CCDC14: variants seen among roughly 807,000 people sequenced by gnomAD.
CCDC14 encodes coiled-coil domain-containing protein 14.
In CCDC14, 71 loss-of-function variants were observed where a neutral mutation model predicts 81.4. That is an observed-to-expected ratio of 0.87 (90% CI 0.72 to 1.06). The LOEUF (loss-of-function observed/expected upper bound fraction) is 1.06. Among genes scored for constraint, CCDC14 ranks in the 50% least tolerant of loss-of-function variants. The pLI, the probability that CCDC14 is intolerant of heterozygous loss-of-function variation, is 0.00. For synonymous variants in CCDC14, 332 were observed against 364.8 expected (o/e 0.91, Z 1.03); for missense variants, 1,046 against 1,047.3 (o/e 1.00, Z 0.02).
intron 9 of CCDC14, among the ~76,000 whole-genome samples, chr3:123,936,631 G>T (rs2036070868): frequency 6.6e-6 from 1 of 152,042 alleles, no homozygotes; most frequent in African/African-American, 2.4e-5. Context: ...GGAGCTAAAT[G>T]ATAAGAACTT....
intron 9 of CCDC14, among the ~76,000 whole-genome samples, chr3:123,944,642 A>T (rs1178647488): frequency 6.6e-6 from 1 of 152,174 alleles, no homozygotes; most frequent in African/African-American, 2.4e-5. Flanking sequence ...ACAGGGGTAA[A>T]ATAAGTGGGA....
chr3:123,909,120 A>G (rs1438974003), downstream of CCDC14, among the ~76,000 whole-genome samples: 1 of 151,972 alleles, frequency 6.6e-6, no homozygotes, highest in African/African-American at 2.4e-5. Context: ...AAAATATTTG[A>G]ATCTGGTCTC....
At chr3:123,928,370 G>A (rs1429349683) in intron 12 of CCDC14, among the ~76,000 whole-genome samples, 2 of 151,206 alleles carry the variant, frequency 1.3e-5, no homozygotes, top group Non-Finnish European at 2.9e-5. Context: ...GCTGGGCGTG[G>A]TGGAGGGCAC....
chr3:123,905,844 C>T (rs1329534204), intron 5 of CCDC14, among the ~76,000 whole-genome samples: 3 of 151,916 alleles, frequency 2.0e-5, no homozygotes, highest in Non-Finnish European at 4.4e-5. Context: ...AAACAATGGA[C>T]CAGAGAGGCC....
At chr3:123,899,623 C>A (rs1342301803) in intron 5 of CCDC14, among the ~76,000 whole-genome samples, 1 of 152,202 alleles carries the variant, frequency 6.6e-6, no homozygotes, top group East Asian at 1.9e-4. Flanking sequence ...CCTCTCCTCC[C>A]CAGTTCTCAC....
At chr3:123,955,635 CTCTTTT>C in intron 5 of CCDC14, 1 of 387,470 alleles carries the variant, frequency 2.6e-6, no homozygotes, top group Non-Finnish European at 4.5e-6. Flanking sequence ...CCCTGACAGT[CTCTTTT>C]TCTATTTTTC....
At chr3:123,952,411 A>C (rs926190179) in intron 5 of CCDC14, among the ~76,000 whole-genome samples, 1 of 152,252 alleles carries the variant, frequency 6.6e-6, no homozygotes, top group Non-Finnish European at 1.5e-5. Context: ...AGATGAAGAC[A>C]GCAATGTATG....
chr3:123,896,889 G>T (rs945815933), downstream of CCDC14, among the ~76,000 whole-genome samples: 3 of 152,038 alleles, frequency 2.0e-5, no homozygotes, highest in Non-Finnish European at 2.9e-5. Flanking sequence ...TAAGATAATA[G>T]CGATTTAAAG....
At chr3:123,910,178 G>A (rs141891878), downstream of CCDC14, among the ~76,000 whole-genome samples, 245 of 152,104 alleles carry the variant, frequency 1.6e-3, no homozygotes, top group Non-Finnish European at 2.5e-3. Flanking sequence ...GCCCTAACAT[G>A]GTGCCACTCA....
intron 12 of CCDC14, among the ~76,000 whole-genome samples, chr3:123,916,303 TGGTTTATTCTTGAGCAGCACTA>T (rs1559764023): frequency 6.6e-6 from 1 of 152,020 alleles, no homozygotes; most frequent in East Asian, 1.9e-4. Context: ...CCAGCCGAGA[TGGTTTATTCTTGAGCAGCACTA>T]GGTTCATTCT....
At chr3:123,916,468 TTGTGTGTGTGTGTG>T (rs71142765) in intron 12 of CCDC14, among the ~76,000 whole-genome samples, 1 of 146,066 alleles carries the variant, frequency 6.8e-6, no homozygotes, top group Non-Finnish European at 1.5e-5. Context: ...ATATATGTGT[TTGTGTGTGTGTGTG>T]TGTGTGTGTG....
downstream of CCDC14, among the ~76,000 whole-genome samples, chr3:123,895,690 C>T (rs2034050369): frequency 1.3e-5 from 2 of 152,172 alleles, no homozygotes; most frequent in South Asian, 4.1e-4. Context: ...CTAGGTAAAA[C>T]CTCCAGCAAA....
rs544077115 is a variant in CCDC14 at position 123,914,590 on chromosome 3, T to C, written c.*189A>G. 3.9e-4 allele frequency: 500 copies of C among 1,276,172 alleles called. No homozygotes were observed. Among genetic ancestry groups the C allele is most frequent in the Non-Finnish European group, 4.8e-4 (488 of 1,012,812 alleles). 79.1% of individuals were successfully genotyped at this position (1,276,172 alleles called of 1,614,324 possible). A position where few individuals can be genotyped will look rare whatever the true frequency, so the allele number is the denominator to read the frequency against. On this transcript the variant is annotated 3_prime_UTR_variant, in exon 13 of 13. Transcript: ENST00000409697. ...CACAACTTTCTTCTTGTAGCAATTG[T>C]GAACTTAAGATGACTTGTTTTTATA...
Position 123,915,235 on chromosome 3 carries a change from T to C in CCDC14, c.2262A>G (p.Gln754=), listed in dbSNP as rs780955739. Residue 754 remains glutamine, a synonymous_variant, in exon 13 of 13, where the codon CAA becomes CAG. Transcript: ENST00000409697. ...CTAGCTGTGTTGTAGCTGCTCTTAT[T>C]TGTGGCTGAGGGGATAGTCTCTTAG... ...PLSKRLSPQP[Q]IRAATTQLVS... is the part of the protein sequence containing the mutation. The C allele has an allele frequency of 6.8e-6, 11 of 1,613,742 alleles. No homozygotes were observed. Among genetic ancestry groups the C allele is most frequent in the Middle Eastern group, 1.6e-4 (1 of 6,084 alleles).
In CCDC14 at chr3:123,914,280, T is replaced by C. The variant is rs2034535625; in HGVS notation, c.*499A>G. ...GTGTAGATACTGGTAACTTTTCTCTTTAAATAAATGTTTATATATTTCACC... is the reference window on the plus strand; with the variant it reads ...GTGTAGATACTGGTAACTTTTCTCTCTAAATAAATGTTTATATATTTCACC... On this transcript the variant is annotated 3_prime_UTR_variant, in exon 13 of 13. Coordinates refer to ENST00000409697, the MANE Select transcript of CCDC14 (RefSeq NM_001366335.1). 1.0e-6 allele frequency: 1 copy of C among 983,852 alleles called. No individual in the cohort carries two copies. The highest frequency in any genetic ancestry group is 5.3e-4 in the Middle Eastern group (1 of 1,900). The allele number at this position is 983,852 out of a possible 1,614,324, so 60.9% of individuals were successfully genotyped here.
At chr3:123,930,370 G>A (rs866721491) in intron 12 of CCDC14, among the ~76,000 whole-genome samples, 1 of 152,110 alleles carries the variant, frequency 6.6e-6, no homozygotes, top group Non-Finnish European at 1.5e-5. Context: ...GGAACTTCTA[G>A]GATCATTCGA....
In CCDC14 at chr3:123,938,757, T is replaced by C. The variant is rs112464604; in HGVS notation, c.1344-5002A>G. ...AATGGGATAATATTACAAAAACTAT[T>C]TTAAAATATTATGCATTGAATTTAG... On this transcript the variant is annotated intron_variant, in intron 9 of 12. Transcript: ENST00000409697. Among the ~76,000 whole-genome samples, 941 of 152,090 alleles carry C rather than the reference T, an allele frequency of 6.2e-3. 13 individuals are homozygous for C. The highest frequency in any genetic ancestry group is 0.021 in the African/African-American group (886 of 41,542).
intron 9 of CCDC14, among the ~76,000 whole-genome samples, chr3:123,944,443 C>G (rs2036522649): frequency 6.6e-6 from 1 of 152,178 alleles, no homozygotes; most frequent in African/African-American, 2.4e-5. Context: ...AAAATGGAGG[C>G]AGTCTGGATC....
Position 123,898,793 on chromosome 3 carries a change from T to C in CCDC14, c.668-1180A>G, listed in dbSNP as rs143380727. On this transcript the variant is annotated intron_variant, in intron 5 of 5. Transcript: ENST00000479903. Reference sequence around the variant, plus strand: ...GCCTCCACCTCCTGGGTTCAAGCGATTCTCATGCCTCGGCCTCCTGAGTAG... The same window carrying C: ...GCCTCCACCTCCTGGGTTCAAGCGACTCTCATGCCTCGGCCTCCTGAGTAG... 2.5e-3 allele frequency among the ~76,000 whole-genome samples: 388 copies of C among 152,264 alleles called. 2 individuals are homozygous for C. Among genetic ancestry groups the C allele is most frequent in the African/African-American group, 8.9e-3 (371 of 41,558 alleles).
Sources: allele counts gnomAD v4.1 joint callset (sites outside exome capture counted in the v4.1 genomes callset), GRCh38; gene constraint gnomAD v4.1.1; transcripts MANE v1.5; gene names NCBI Gene and HGNC (gene_info 2026-07-23, HGNC 2026-07-21).